JAK1: variants seen among roughly 807,000 people sequenced by gnomAD.
The protein encoded by JAK1 is tyrosine-protein kinase JAK1.
Under a neutral mutation model 136.6 loss-of-function variants are expected in JAK1, and 16 were observed. The observed-to-expected ratio is 0.12, with a 90% CI of 0.08 to 0.18. The LOEUF (loss-of-function observed/expected upper bound fraction) is 0.18, where lower values mean the gene tolerates loss of function less well. JAK1 is among the 10% of genes least tolerant of loss of function. The pLI, the probability that JAK1 is intolerant of heterozygous loss-of-function variation, is 1.00. For synonymous variants in JAK1, 492 were observed against 519.5 expected, an observed-to-expected ratio of 0.95 and a Z score of 0.72; for missense variants, 859 against 1,450.1, an observed-to-expected ratio of 0.59 and a Z score of 6.62.
intron 1 of JAK1, among the ~76,000 whole-genome samples, chr1:64,936,772 T>A (rs1034737618): frequency 6.6e-5 from 10 of 152,174 alleles, no homozygotes; most frequent in Admixed American, 5.9e-4. Context: ...AAGTGCTATA[T>A]TTCTTCCATA....
chr1:64,840,159 A>C (rs1654797229), intron 19 of JAK1, among the ~76,000 whole-genome samples: 1 of 152,230 alleles, frequency 6.6e-6, no homozygotes. Context: ...GCATGGCTGA[A>C]AAGAGCAAAT....
chr1:64,847,711 G>T (rs1469601864), intron 12 of JAK1, 36 bp from the exon 13 acceptor site: 3 of 1,605,946 alleles, frequency 1.9e-6, no homozygotes, highest in Non-Finnish European at 1.7e-6. Context: ...TGACCTCTCT[G>T]TGCCCTGAAG....
chr1:64,844,327 T>C lies in JAK1; in HGVS notation c.2252-112A>G. On this transcript the variant is annotated intron_variant, in intron 16 of 24. Coordinates refer to ENST00000342505, the MANE Select transcript of JAK1 (RefSeq NM_002227.4). The surrounding 1 kb of genome is among the most constrained non-coding windows in gnomAD (Gnocchi z 5.7). ...AATGAAGGAACTACTTCAAGCAGTG[T>C]GCCCAAACATGGCCCATGGCCACAT... 1 of 1,402,924 alleles carries C rather than the reference T, an allele frequency of 7.1e-7. No individual in the cohort carries two copies. The highest frequency in any genetic ancestry group is 1.0e-6 in the Non-Finnish European group (1 of 1,000,992). The allele number at this position is 1,402,924 out of a possible 1,614,324, so 86.9% of individuals were successfully genotyped here.
At chr1:64,946,075 G>A (rs1020454426) in intron 1 of JAK1, among the ~76,000 whole-genome samples, 4 of 152,110 alleles carry the variant, frequency 2.6e-5, no homozygotes, top group East Asian at 1.9e-4. Context: ...CAGTACCTAT[G>A]CCAAACAAAA....
intron 10 of JAK1, 110 bp downstream of exon 10, chr1:64,857,546 T>C (rs990165702): frequency 6.9e-7 from 1 of 1,439,446 alleles, no homozygotes; most frequent in African/African-American, 1.4e-5. Context: ...GACCCAGGCT[T>C]TTCAGTTCCA....
At chr1:64,975,784 A>G (rs1569799086) in intron 2 of JAK1, among the ~76,000 whole-genome samples, 1 of 152,150 alleles carries the variant, frequency 6.6e-6, no homozygotes, top group South Asian at 2.1e-4. Context: ...GAGTACCAGG[A>G]AACGCCCAAG....
At chr1:64,915,053 C>A (rs1169542585) in intron 1 of JAK1, among the ~76,000 whole-genome samples, 1 of 152,142 alleles carries the variant, frequency 6.6e-6, no homozygotes, top group Non-Finnish European at 1.5e-5. Context: ...AATTATTTTA[C>A]CTGCCTCTCT....
chr1:64,850,232 C>T (rs1382782709), intron 12 of JAK1, among the ~76,000 whole-genome samples: 3 of 152,210 alleles, frequency 2.0e-5, no homozygotes, highest in Non-Finnish European at 4.4e-5. Flanking sequence ...CCACCAGCAA[C>T]AGCTCCAGGG....
chr1:65,050,907 T>C (rs1033697851), intron 1 of JAK1, among the ~76,000 whole-genome samples: 21 of 152,224 alleles, frequency 1.4e-4, no homozygotes, highest in Non-Finnish European at 2.4e-4. Context: ...GTTCTTCAAT[T>C]AGGAAACATG....
At chr1:64,835,630 C>T (rs1654434523) in intron 23 of JAK1, 124 bp from the exon 24 acceptor site, 3 of 653,666 alleles carry the variant, frequency 4.6e-6, no homozygotes, top group East Asian at 2.8e-5. Context: ...GGCTTTTCTC[C>T]TTAGTAACTT....
intron 1 of JAK1, among the ~76,000 whole-genome samples, chr1:64,951,722 G>A (rs1375972574): frequency 1.6e-5 from 2 of 125,408 alleles, no homozygotes; most frequent in South Asian, 2.6e-4. Flanking sequence ...GCAGTGGCTC[G>A]ATCTCTGCTC....
chr1:64,990,279 G>A (rs189380274), intron 2 of JAK1: 1 of 152,282 alleles, frequency 6.6e-6, no homozygotes, highest in East Asian at 1.9e-4. Context: ...TCCAGCCTGG[G>A]CAACAGAGCA....
chr1:64,860,936 GTGT>G, intron 8 of JAK1, among the ~76,000 whole-genome samples: 1 of 125,186 alleles, frequency 8.0e-6, no homozygotes, highest in South Asian at 2.7e-4. Context: ...GTCCGTGTGT[GTGT>G]GTGTGTGTGT....
At chr1:64,976,245 A>AGGC (rs1646496680) in intron 2 of JAK1, among the ~76,000 whole-genome samples, 1 of 152,242 alleles carries the variant, frequency 6.6e-6, no homozygotes, top group Non-Finnish European at 1.5e-5. Flanking sequence ...TGCTTTTCCA[A>AGGC]GGCCATTTCC....
chr1:64,836,519 G>A (rs996332871), intron 22 of JAK1, among the ~76,000 whole-genome samples: 1 of 151,996 alleles, frequency 6.6e-6, no homozygotes, highest in Non-Finnish European at 1.5e-5. Context: ...GTGTAATGAT[G>A]AGCCCCAGGT....
At chr1:64,853,157 C>T (rs545772666) in intron 11 of JAK1, among the ~76,000 whole-genome samples, 2 of 152,296 alleles carry the variant, frequency 1.3e-5, no homozygotes, top group African/African-American at 4.8e-5. Context: ...ACAATATTCT[C>T]ATGTCTAATT....
intron 1 of JAK1, among the ~76,000 whole-genome samples, chr1:64,927,668 A>G (rs61784746): frequency 6.6e-6 from 1 of 152,226 alleles, no homozygotes; most frequent in African/African-American, 2.4e-5. Context: ...TGCTGCTGCT[A>G]TGGGGACAGC....
Position 64,857,680 on chromosome 1 carries a change from G to A in JAK1, c.1434C>T (p.Thr478=), listed in dbSNP as rs55788790. The A allele has an allele frequency of 1.6e-5, 26 of 1,614,174 alleles. No homozygotes were observed. In the East Asian group the frequency reaches 3.8e-4, roughly 24 times the overall value. The part of the protein sequence containing the change: ...SCTDFDNILM[T]VTCFEKSEQV... ...CCTCAGACTTCTCAAAGCAGGTGACGGTCATGAGGATGTTGTCAAAGTCGG... is the reference window on the plus strand; with the variant it reads ...CCTCAGACTTCTCAAAGCAGGTGACAGTCATGAGGATGTTGTCAAAGTCGG... The change falls in exon 10 of 25, where the codon ACC becomes ACT. Residue 478 remains threonine (T), a synonymous_variant. Coordinates refer to ENST00000342505, the MANE Select transcript of JAK1 (RefSeq NM_002227.4).
Position 64,845,564 on chromosome 1 carries a change from T to A in JAK1, c.2064A>T (p.Thr688=), listed in dbSNP as rs1655176094. Residue 688 remains threonine, a synonymous_variant, in exon 15 of 25, where the codon ACA becomes ACT. Coordinates refer to ENST00000342505, the MANE Select transcript of JAK1 (RefSeq NM_002227.4). ...GTTTGGCAACTTTGAATTTCCATGG[T>A]GTGGTAAGGACATCGCTTTTCCGGT... The part of the protein sequence containing the change: ...FMHRKSDVLT[T]PWKFKVAKQL... 6.2e-7 allele frequency: 1 copy of A among 1,614,010 alleles called. No homozygotes were observed. The highest frequency in any genetic ancestry group is 1.3e-5 in the African/African-American group (1 of 74,906).
Sources: gnomAD v4.1 joint callset for allele counts (sites outside exome capture counted in the v4.1 genomes callset) on GRCh38, gnomAD v4.1.1 for gene constraint, Gnocchi (gnomAD v3.1) non-coding constraint, MANE v1.5 for transcripts, NCBI Gene and HGNC (gene_info 2026-07-23, HGNC 2026-07-21) for gene names.